The following CDH23 variants were observed in gnomAD, a reference collection of about 807,000 sequenced individuals.
CDH23 encodes cadherin-23.
Under a neutral mutation model 317.1 loss-of-function variants are expected in CDH23, and 189 were observed. The observed-to-expected ratio is 0.60, with a 90% confidence interval of 0.53 to 0.67. The LOEUF is 0.67. Ranked by LOEUF, CDH23 falls within the 30% of genes least tolerant of loss-of-function variation. The pLI, the probability that CDH23 is intolerant of heterozygous loss-of-function variation, is 0.00. For missense variants in CDH23, 4,401 were observed against 4,592.4 expected, an observed-to-expected ratio of 0.96 and a Z score of 1.20; for synonymous variants, 1,839 against 1,876.8, an observed-to-expected ratio of 0.98 and a Z score of 0.52.
In CDH23 at chr10:71,643,204, G is replaced by A. The variant is rs377239020; in HGVS notation, c.1135-657G>A. On this transcript the variant is annotated intron_variant, in intron 11 of 69. Coordinates refer to ENST00000224721, the MANE Select transcript of CDH23 (RefSeq NM_022124.6). Reference sequence around the variant, plus strand: ...ATGCTGTTAGTGTCACAGCAGGGTGGCATGTACCCATAATGGTCATATAGG... The same window carrying A: ...ATGCTGTTAGTGTCACAGCAGGGTGACATGTACCCATAATGGTCATATAGG... Among the ~76,000 whole-genome samples the A allele has an allele frequency of 9.9e-5, 15 of 152,258 alleles. No individual in the cohort carries two copies. The South Asian group carries it at 2.9e-3, about 29-fold the overall frequency.
rs1839419454 is a variant in CDH23, at chr10:71,732,327, C to T, written c.4056C>T (p.Ala1352=). 2.5e-6 allele frequency: 4 copies of T among 1,592,976 alleles called. No homozygotes were observed. The South Asian group carries it at 4.5e-5, about 18-fold the overall frequency. Residue 1352 remains alanine, a synonymous_variant, in exon 32 of 70, where the codon GCC becomes GCT. Coordinates refer to ENST00000224721, the MANE Select transcript of CDH23 (RefSeq NM_022124.6). The part of the protein sequence containing the change: ...NLNQITYRFN[A]YTSTQAKALF... The stretch of plus-strand genomic sequence containing the variant: ...ACCAAATCACGTACCGCTTCAACGC[C>T]TACACCAGCACCCAGGCCAAAGCCC...
At chr10:71,564,375 G>A (rs1465327629) in intron 6 of CDH23, among the ~76,000 whole-genome samples, 4 of 152,160 alleles carry the variant, frequency 2.6e-5, no homozygotes, top group Non-Finnish European at 5.9e-5. Flanking sequence ...CCAATAGTTT[G>A]TCCCTTCTAA....
intron 3 of CDH23, among the ~76,000 whole-genome samples, chr10:71,509,384 A>C (rs1288032072): frequency 1.3e-5 from 2 of 152,274 alleles, no homozygotes; most frequent in African/African-American, 4.8e-5. Flanking sequence ...ATAGCTGAGA[A>C]GTCCAGAGGA....
In CDH23 at chr10:71,403,322, CCTTCCTTTCTTTCTTTCTTT is replaced by C. The variant is rs1481817489; in HGVS notation, c.-6+6008_-6+6027del. ...TGCTTTCTCTTTCTCTTTCTTCCTT[CCTTCCTTTCTTTCTTTCTTT>C]CTTTCTTTCTTTCTTTCTTTCTTTC... On this transcript the variant is annotated intron_variant, in intron 1 of 69. Transcript: ENST00000224721. Among the ~76,000 whole-genome samples the C allele has an allele frequency of 3.1e-3, 287 of 92,332 alleles. 7 individuals carry two copies. Among genetic ancestry groups the C allele is most frequent in the Middle Eastern group, 4.9e-3 (1 of 206 alleles). The allele number at this position is 92,332 out of a possible 152,430, so 60.6% of individuals were successfully genotyped here. A position where few individuals can be genotyped will look rare whatever the true frequency, so the allele number is the denominator to read the frequency against.
intron 38 of CDH23, chr10:71,773,496 C>A (rs568597909): frequency 6.6e-6 from 10 of 1,519,406 alleles, no homozygotes; most frequent in Admixed American, 5.9e-5. Context: ...GGGACGCGGC[C>A]GGCGCGGGGA....
intron 38 of CDH23, chr10:71,761,961 C>G: frequency 6.2e-7 from 1 of 1,613,878 alleles, no homozygotes; most frequent in Non-Finnish European, 8.5e-7. Flanking sequence ...GTGAGGGTGA[C>G]GTTCTGCCCC....
At chr10:71,415,706 T>C (rs1217500497) in intron 1 of CDH23, among the ~76,000 whole-genome samples, 1 of 152,206 alleles carries the variant, frequency 6.6e-6, no homozygotes, top group Non-Finnish European at 1.5e-5. Context: ...ATTTTTATTG[T>C]TGTGAGGTTC....
rs778204574 is a variant in CDH23, at chr10:71,741,859, G to A, written c.4783G>A (p.Glu1595Lys). 1.4e-5 allele frequency: 22 copies of A among 1,610,674 alleles called. No homozygotes were observed. Among genetic ancestry groups the A allele is most frequent in the African/African-American group, 2.7e-5 (2 of 74,898 alleles). ...IATRPAPPDR[E>K]RQSFYHLVAT... is the part of the protein sequence containing the mutation. The stretch of plus-strand genomic sequence containing the variant: ...CACACGGCCTGCCCCGCCTGACCGC[G>A]AGCGCCAGAGCTTCTACCACCTGGT... Residue 1595 changes from glutamate to lysine, a missense_variant, in exon 38 of 70, where the codon GAG (glutamate) becomes AAG (lysine). Around this residue, in one of 3 missense-constraint regions of CDH23, gnomAD observed 3,068 missense variants for 3,203.3 expected, o/e 0.96. Transcript: ENST00000224721.
At chr10:71,644,753 T>C (rs1334009401) in intron 12 of CDH23, among the ~76,000 whole-genome samples, 1 of 152,200 alleles carries the variant, frequency 6.6e-6, no homozygotes, top group Non-Finnish European at 1.5e-5. Flanking sequence ...GCCACTGGGC[T>C]AGGGGTGGGC....
chr10:71,813,244 G>T lies in CDH23; in HGVS notation c.9634G>T (p.Gly3212Cys), dbSNP rs1842002891. The change falls in exon 69 of 70, where the codon GGC (glycine) becomes TGC (cysteine). Residue 3212 changes from glycine to cysteine, a missense_variant and splice_region_variant. By Grantham distance (159) the Gly-to-Cys change is radical. This residue lies in a region of CDH23 where 1,144 missense variants were observed against 1,138.2 expected (regional missense o/e 1.01). Coordinates refer to ENST00000224721, the MANE Select transcript of CDH23 (RefSeq NM_022124.6). ...GQIIREGPIK[G>C]SLLKVVLEDY... ...GGGGTTAACCCTTTCCCTCCCCCAG[G>T]GCTCGCTGCTGAAGGTGGTCCTGGA... The T allele has an allele frequency of 6.4e-7, 1 of 1,551,554 alleles. No homozygotes were observed. The highest frequency in any genetic ancestry group is 1.4e-5 in the African/African-American group (1 of 73,158).
At chr10:71,659,668 T>G (rs1863561629) in intron 14 of CDH23, among the ~76,000 whole-genome samples, 1 of 152,202 alleles carries the variant, frequency 6.6e-6, no homozygotes, top group African/African-American at 2.4e-5. Context: ...TACACTCTAG[T>G]GTTTTCTGAT....
At chr10:71,640,117 C>T (rs976669714) in intron 11 of CDH23, among the ~76,000 whole-genome samples, 2 of 152,128 alleles carry the variant, frequency 1.3e-5, no homozygotes, top group African/African-American at 4.8e-5. Context: ...GAAGCTGTCC[C>T]GAAGGCTTGT....
At chr10:71,570,659 T>A (rs965340818) in intron 7 of CDH23, 131 bp from the exon 8 acceptor site, 3 of 942,990 alleles carry the variant, frequency 3.2e-6, no homozygotes, top group African/African-American at 1.7e-5. Context: ...AGAGCATGGG[T>A]GTGTGTGTGC....
At chr10:71,694,948 G>T (rs748141788) in intron 21 of CDH23, among the ~76,000 whole-genome samples, 2 of 152,202 alleles carry the variant, frequency 1.3e-5, no homozygotes, top group Non-Finnish European at 2.9e-5. Context: ...CCAGGGATTT[G>T]ATGGAAAAAT....
chr10:71,492,528 G>T (rs913626101), intron 3 of CDH23, among the ~76,000 whole-genome samples: 2 of 152,216 alleles, frequency 1.3e-5, no homozygotes, highest in Non-Finnish European at 1.5e-5. Context: ...TCCTTGGGAT[G>T]TGCTTTGCAG....
rs1471237840 is a variant in CDH23, at chr10:71,566,713, C to T, written c.430-29C>T. On this transcript the variant is annotated intron_variant, in intron 6 of 69. Transcript: ENST00000224721. ...GCGCAGCTGCTCCGCACTGGCTCAC[C>T]CTTGTACTTGCTTTGCTCTCATCCC... 7.7e-6 allele frequency: 12 copies of T among 1,562,590 alleles called. No homozygotes were observed. In the South Asian group the frequency reaches 9.6e-5, roughly 13 times the overall value.
chr10:71,561,997 C>T (rs930903396), intron 6 of CDH23, among the ~76,000 whole-genome samples: 5 of 152,062 alleles, frequency 3.3e-5, no homozygotes, highest in East Asian at 1.9e-4. Context: ...GGACCCAGGG[C>T]GAGTGTCCAC....
At chr10:71,485,030 T>C (rs1423435348) in intron 3 of CDH23, among the ~76,000 whole-genome samples, 15 of 148,824 alleles carry the variant, frequency 1.0e-4, no homozygotes, top group South Asian at 2.1e-4. Flanking sequence ...TTTCTTTTTT[T>C]TTTTTTTTTT....
Position 71,751,726 on chromosome 10 carries a change from C to T in CDH23, c.4845+9805C>T, listed in dbSNP as rs199673713. 344 of 1,584,586 alleles carry T rather than the reference C, an allele frequency of 2.2e-4. 1 individual carries two copies. Among genetic ancestry groups the T allele is most frequent in the Non-Finnish European group, 2.6e-4 (306 of 1,166,762 alleles). On this transcript the variant is annotated intron_variant, in intron 38 of 69. Transcript: ENST00000224721. The surrounding 1 kb of genome is among the most constrained non-coding windows in gnomAD (Gnocchi z 4.9). Reference sequence around the variant, plus strand: ...GAGGAGACAGGGGGGTGCTGGGCTCCGAAAGCAGATGCCGCCCAGACTCAG... The same window carrying T: ...GAGGAGACAGGGGGGTGCTGGGCTCTGAAAGCAGATGCCGCCCAGACTCAG...
Sources: gnomAD v4.1 joint callset for allele counts (sites outside exome capture counted in the v4.1 genomes callset) on GRCh38, gnomAD v4.1.1 for gene constraint, gnomAD v4.1.1 regional missense constraint, Gnocchi (gnomAD v3.1) non-coding constraint, MANE v1.5 for transcripts, NCBI Gene and HGNC (gene_info 2026-07-23, HGNC 2026-07-21) for gene names.